VPS13B: variants seen among roughly 807,000 people sequenced by gnomAD.
VPS13B encodes vacuolar protein sorting 13 homolog B, also known as intermembrane lipid transfer protein VPS13B.
A neutral mutation model predicts 426.4 loss-of-function variants in VPS13B; 285 were observed. The observed-to-expected ratio is 0.67, with a 90% CI of 0.61 to 0.74. The LOEUF is 0.74. Among genes scored for constraint, VPS13B ranks in the 30% least tolerant of loss-of-function variants. VPS13B has a pLI of 0.00. For missense variants in VPS13B, 4,537 were observed against 4,782.6 expected (o/e 0.95, Z 1.51); for synonymous variants, 1,676 against 1,676.4 (o/e 1.00, Z 0.01).
intron 30 of VPS13B, among the ~76,000 whole-genome samples, chr8:99,526,846 G>C (rs1822670776): frequency 6.6e-6 from 1 of 152,080 alleles, no homozygotes; most frequent in Non-Finnish European, 1.5e-5. Flanking sequence ...CAAGGATCTT[G>C]ATAAAATGTG....
At chr8:99,213,248 A>T (rs562821642) in intron 17 of VPS13B, among the ~76,000 whole-genome samples, 1 of 152,178 alleles carries the variant, frequency 6.6e-6, no homozygotes, top group Non-Finnish European at 1.5e-5. Context: ...GTTAATACAC[A>T]TCTTAAGAAG....
At chr8:99,864,286 C>T (rs1179147780) in intron 58 of VPS13B, among the ~76,000 whole-genome samples, 1 of 152,212 alleles carries the variant, frequency 6.6e-6, no homozygotes, top group South Asian at 2.1e-4. Context: ...ACATGGCTCA[C>T]ACTTGTAATC....
chr8:99,129,095 A>G (rs1390065149), intron 8 of VPS13B, among the ~76,000 whole-genome samples: 1 of 152,172 alleles, frequency 6.6e-6, no homozygotes, highest in East Asian at 1.9e-4. Flanking sequence ...TTTGTGTCAT[A>G]GCTTGATTGA....
chr8:99,810,546 G>A (rs1226744353), intron 44 of VPS13B, among the ~76,000 whole-genome samples: 1 of 152,156 alleles, frequency 6.6e-6, no homozygotes, highest in Non-Finnish European at 1.5e-5. Flanking sequence ...TCTTATTATT[G>A]TGGGCCACGG....
At chr8:99,218,235 AG>A (rs1815492991) in intron 17 of VPS13B, among the ~76,000 whole-genome samples, 1 of 152,186 alleles carries the variant, frequency 6.6e-6, no homozygotes, top group Non-Finnish European at 1.5e-5. Context: ...GATTGAAAAA[AG>A]AGGAGGAAGA....
intron 24 of VPS13B, among the ~76,000 whole-genome samples, chr8:99,471,346 A>C (rs1202137315): frequency 3.3e-5 from 5 of 152,174 alleles, no homozygotes. Flanking sequence ...TGTAGCATAC[A>C]AGACAACTAT....
At chr8:99,331,594 G>T (rs1014791619) in intron 19 of VPS13B, among the ~76,000 whole-genome samples, 2 of 151,710 alleles carry the variant, frequency 1.3e-5, no homozygotes, top group African/African-American at 4.8e-5. Context: ...AATATAACCT[G>T]TAAGGGCCAG....
In VPS13B at chr8:99,121,007, TGA is replaced by T. The variant is rs1257131984; in HGVS notation, c.938-166_938-165del. On this transcript the variant is annotated intron_variant, in intron 7 of 61. Coordinates refer to ENST00000357162, the MANE Select transcript of VPS13B (RefSeq NM_152564.5). ...AGATACGGTACAACATACAGAAAGT[TGA>T]GAGTCATAATGCTAAATTATTGGTT... Among the ~76,000 whole-genome samples the T allele has an allele frequency of 3.3e-5, 5 of 152,336 alleles. No individual in the cohort carries two copies. In the South Asian group the frequency reaches 8.3e-4, roughly 25 times the overall value.
intron 19 of VPS13B, chr8:99,341,261 G>C (rs1354669451): frequency 2.3e-5 from 4 of 172,118 alleles, no homozygotes; most frequent in Non-Finnish European, 3.8e-5. Flanking sequence ...TATGATGTTG[G>C]TCTGTCGTGG....
intron 19 of VPS13B, among the ~76,000 whole-genome samples, chr8:99,374,205 G>A (rs192792373): frequency 6.7e-6 from 1 of 149,480 alleles, no homozygotes; most frequent in East Asian, 2.0e-4. Context: ...TCTGTGTTTG[G>A]TTTTCTGCTA....
chr8:99,275,371 A>G lies in VPS13B; in HGVS notation c.2824+117A>G, dbSNP rs996505339. On this transcript the variant is annotated intron_variant, in intron 19 of 61. Transcript: ENST00000357162. ...TTTAGGTATTTTTGTCAATTGGCTT[A>G]CTCTGCAGTTGTGCTTTTTCAAAAT... is the stretch of plus-strand genomic sequence containing the variant. 4 of 940,178 alleles carry G rather than the reference A, an allele frequency of 4.3e-6. No homozygotes were observed. The African/African-American group carries it at 8.4e-5, about 20-fold the overall frequency. The allele number at this position is 940,178 out of a possible 1,614,324, so 58.2% of individuals were successfully genotyped here.
intron 33 of VPS13B, among the ~76,000 whole-genome samples, chr8:99,582,676 G>A (rs1248236707): frequency 2.6e-5 from 4 of 151,326 alleles, no homozygotes; most frequent in Non-Finnish European, 5.9e-5. Flanking sequence ...CTTTTTTTGA[G>A]ATGGAGTCTC....
chr8:99,115,663 A>C, intron 6 of VPS13B, 37 bp from the exon 7 acceptor site: 1 of 1,600,336 alleles, frequency 6.2e-7, no homozygotes, highest in Non-Finnish European at 8.5e-7. Context: ...CTTTTTAAAC[A>C]TGCGTTTGTT....
At chr8:99,081,929 C>T (rs1845493453) in intron 3 of VPS13B, among the ~76,000 whole-genome samples, 1 of 152,112 alleles carries the variant, frequency 6.6e-6, no homozygotes, top group South Asian at 2.1e-4. Flanking sequence ...CATACATGGG[C>T]ATGTGTCTTT....
chr8:99,261,475 C>T (rs1347982908), intron 17 of VPS13B, among the ~76,000 whole-genome samples: 2 of 152,096 alleles, frequency 1.3e-5, no homozygotes, highest in African/African-American at 2.4e-5. Context: ...TACTAAGGGA[C>T]ATCTTGGTTG....
intron 24 of VPS13B, among the ~76,000 whole-genome samples, chr8:99,468,034 A>G (rs572483526): frequency 3.3e-5 from 5 of 152,244 alleles, no homozygotes; most frequent in East Asian, 1.9e-4. Flanking sequence ...AACTTCTAGG[A>G]TACATGTGCA....
intron 30 of VPS13B, among the ~76,000 whole-genome samples, chr8:99,531,615 T>C (rs1326964791): frequency 6.6e-6 from 1 of 152,118 alleles, no homozygotes; most frequent in Non-Finnish European, 1.5e-5. Flanking sequence ...GTAAAAAATA[T>C]TGGTTTTATT....
chr8:99,735,118 G>A, intron 39 of VPS13B, among the ~76,000 whole-genome samples: 1 of 152,176 alleles, frequency 6.6e-6, no homozygotes, highest in African/African-American at 2.4e-5. Flanking sequence ...CTTCATGGAA[G>A]TGAAAAGTGA....
chr8:99,179,156 G>A (rs993646203), intron 16 of VPS13B, among the ~76,000 whole-genome samples: 5 of 151,928 alleles, frequency 3.3e-5, no homozygotes, highest in Non-Finnish European at 5.9e-5. Flanking sequence ...TAAAACTGTT[G>A]TGTTGTAGGC....
Sources: gnomAD v4.1 joint callset for allele counts (sites outside exome capture counted in the v4.1 genomes callset) on GRCh38, gnomAD v4.1.1 for gene constraint, MANE v1.5 for transcripts, NCBI Gene and HGNC (gene_info 2026-07-23, HGNC 2026-07-21) for gene names.